AOPEP: variants seen among roughly 807,000 people sequenced by gnomAD.
AOPEP encodes the protein aminopeptidase O (putative), also known as aminopeptidase O.
AOPEP carries 77 observed loss-of-function variants against 98.1 expected under a neutral mutation model. That is an observed-to-expected ratio of 0.78 (90% CI 0.65 to 0.95). The LOEUF is 0.95. Ranked by LOEUF, AOPEP falls within the 40% of genes least tolerant of loss-of-function variation. The pLI, the probability that AOPEP is intolerant of heterozygous loss-of-function variation, is 0.00. For synonymous variants in AOPEP, 346 were observed against 365.3 expected, an observed-to-expected ratio of 0.95 and a Z score of 0.60; for missense variants, 1,024 against 1,024.7, an observed-to-expected ratio of 1.00 and a Z score of 0.01.
intron 5 of AOPEP, among the ~76,000 whole-genome samples, chr9:94,874,745 A>G (rs2046727600): frequency 6.6e-6 from 1 of 152,194 alleles, no homozygotes; most frequent in Non-Finnish European, 1.5e-5. Context: ...CCAATAACAC[A>G]TGCTACGACT....
intron 5 of AOPEP, among the ~76,000 whole-genome samples, chr9:94,854,437 T>C (rs1383791832): frequency 6.6e-6 from 1 of 152,304 alleles, no homozygotes; most frequent in Admixed American, 6.5e-5. Context: ...ATTTTAAGGC[T>C]GAACATTAAG....
At chr9:95,003,050 G>A (rs1283620804) in intron 11 of AOPEP, among the ~76,000 whole-genome samples, 1 of 152,198 alleles carries the variant, frequency 6.6e-6, no homozygotes, top group African/African-American at 2.4e-5. Flanking sequence ...TAGGAAGAAA[G>A]GAGACTGTGT....
At chr9:94,825,320 A>G (rs112035071) in intron 5 of AOPEP, among the ~76,000 whole-genome samples, 4,720 of 152,226 alleles carry the variant, frequency 0.031, 254 homozygotes, top group African/African-American at 0.11. Context: ...GTGCCTCTTT[A>G]CTTACGAAGG....
At chr9:94,947,370 C>T (rs184062880) in intron 7 of AOPEP, among the ~76,000 whole-genome samples, 71 of 152,054 alleles carry the variant, frequency 4.7e-4, no homozygotes, top group African/African-American at 1.6e-3. Context: ...CCTTGAACTC[C>T]TGGGCTCAGT....
At chr9:94,982,449 G>A (rs2138768605) in intron 11 of AOPEP, among the ~76,000 whole-genome samples, 1 of 152,102 alleles carries the variant, frequency 6.6e-6, no homozygotes, top group African/African-American at 2.4e-5. Flanking sequence ...TGAACAGCAT[G>A]TAGGCGCACA....
At chr9:95,095,045 G>A in the AOPEP span, among the ~76,000 whole-genome samples, 2 of 152,262 alleles carry the variant, frequency 1.3e-5, no homozygotes, top group Non-Finnish European at 2.9e-5. Flanking sequence ...GGCTGTCCAG[G>A]AGAGTGCTGC....
intron 5 of AOPEP, among the ~76,000 whole-genome samples, chr9:94,846,472 G>A (rs1681069419): frequency 6.6e-6 from 1 of 152,190 alleles, no homozygotes; most frequent in African/African-American, 2.4e-5. Flanking sequence ...TCAAGTACAG[G>A]CAGCTCTTTC....
chr9:94,997,774 G>A (rs997306546), intron 11 of AOPEP, among the ~76,000 whole-genome samples: 4 of 152,154 alleles, frequency 2.6e-5, no homozygotes, highest in African/African-American at 9.7e-5. Context: ...GCTCACTGGA[G>A]CCTCAAACTC....
Position 94,760,228 on chromosome 9 carries a change from T to C in AOPEP, c.445T>C (p.Cys149Arg). The C allele has an allele frequency of 6.2e-7, 1 of 1,614,230 alleles. No homozygotes were observed. The highest frequency in any genetic ancestry group is 8.5e-7 in the Non-Finnish European group (1 of 1,180,040). The change falls in exon 2 of 17, where the codon TGT becomes CGT. Residue 149 changes from cysteine to arginine, a missense_variant. Cys to Arg is a radical substitution (Grantham distance 180). This residue lies in a region of AOPEP where 440 missense variants were observed against 433.8 expected (regional missense o/e 1.01). Transcript: ENST00000375315. Reference protein sequence around the residue: ...SEDFLLVLDCCDLSVLKVEEV... With the variant: ...SEDFLLVLDCRDLSVLKVEEV... ...GGATTTTTTGCTAGTGTTGGACTGC[T>C]GTGATTTATCTGTGTTAAAAGTCGA... is the stretch of plus-strand genomic sequence containing the variant.
intron 5 of AOPEP, among the ~76,000 whole-genome samples, chr9:94,883,966 AC>A (rs1415183424): frequency 3.3e-5 from 5 of 152,218 alleles, no homozygotes; most frequent in East Asian, 1.9e-4. Context: ...ACTTCTGGCC[AC>A]CCCTTGATCC....
intron 1 of AOPEP, among the ~76,000 whole-genome samples, chr9:94,748,608 T>C (rs1459450416): frequency 6.6e-6 from 1 of 152,148 alleles, no homozygotes; most frequent in Non-Finnish European, 1.5e-5. Flanking sequence ...TAATGTCCTT[T>C]TTGTTTGTTT....
intron 13 of AOPEP, among the ~76,000 whole-genome samples, chr9:95,021,376 C>A (rs1357996868): frequency 1.3e-5 from 2 of 152,216 alleles, no homozygotes; most frequent in African/African-American, 4.8e-5. Context: ...AGCTTCCTCT[C>A]CTCCTTCTTA....
chr9:94,931,938 C>G, intron 7 of AOPEP: 1 of 1,126,760 alleles, frequency 8.9e-7, no homozygotes, highest in Non-Finnish European at 1.2e-6. Flanking sequence ...TAGCCCAAGG[C>G]TCAGAAAGAC....
Position 95,029,069 on chromosome 9 carries a change from C to G in AOPEP, c.2115+23453C>G, listed in dbSNP as rs377100685. Among the ~76,000 whole-genome samples the G allele has an allele frequency of 5.3e-5, 8 of 152,282 alleles. No homozygotes were observed. The East Asian group carries it at 1.5e-3, about 29-fold the overall frequency. Reference sequence around the variant, plus strand: ...CAGGTGCTGTGTGGCATTGAGCTGTCCTCGTTTGCTGAAAACTGATTCTCT... The same window carrying G: ...CAGGTGCTGTGTGGCATTGAGCTGTGCTCGTTTGCTGAAAACTGATTCTCT... On this transcript the variant is annotated intron_variant, in intron 13 of 16. Coordinates refer to ENST00000375315, the MANE Select transcript of AOPEP (RefSeq NM_001193329.3).
intron 1 of AOPEP, among the ~76,000 whole-genome samples, chr9:94,748,772 A>C (rs1438500925): frequency 6.6e-6 from 1 of 152,292 alleles, no homozygotes; most frequent in East Asian, 1.9e-4. Flanking sequence ...AATGTCCCTC[A>C]GTATGGGTTT....
chr9:94,807,477 A>G (rs1004170572), intron 5 of AOPEP, among the ~76,000 whole-genome samples: 8 of 152,032 alleles, frequency 5.3e-5, no homozygotes, highest in East Asian at 1.9e-4. Context: ...TGCGTTTGTA[A>G]TCTCTCTATT....
chr9:94,979,138 C>T (rs1001977634), intron 10 of AOPEP, among the ~76,000 whole-genome samples: 7 of 152,122 alleles, frequency 4.6e-5, no homozygotes, highest in African/African-American at 1.7e-4. Flanking sequence ...TGATGCTGTG[C>T]CTGGGTCCTT....
intron 5 of AOPEP, among the ~76,000 whole-genome samples, chr9:94,847,638 A>G (rs2043026979): frequency 6.6e-6 from 1 of 152,248 alleles, no homozygotes; most frequent in Non-Finnish European, 1.5e-5. Context: ...TCCTTTAATA[A>G]GATGAATCAT....
rs186512612 is a variant in AOPEP, at chr9:94,734,374, G to C, written c.-136+7623G>C. On this transcript the variant is annotated intron_variant, in intron 1 of 16. Coordinates refer to ENST00000375315, the MANE Select transcript of AOPEP (RefSeq NM_001193329.3). ...CAGTGTAGGAAGTGGGAGTTGTAAG[G>C]TCAGACAGAGGCCAGCAATTGGGGG... 2.2e-3 allele frequency among the ~76,000 whole-genome samples: 337 copies of C among 152,302 alleles called. 4 individuals carry two copies. Among genetic ancestry groups the C allele is most frequent in the Admixed American group, 0.021 (326 of 15,296 alleles).
Sources: allele counts gnomAD v4.1 joint callset (sites outside exome capture counted in the v4.1 genomes callset), GRCh38; gene constraint gnomAD v4.1.1; regional missense constraint gnomAD v4.1.1; transcripts MANE v1.5; gene names NCBI Gene and HGNC (gene_info 2026-07-23, HGNC 2026-07-21).